The following OCA2 variants were observed in gnomAD, a reference collection of about 807,000 sequenced individuals.
OCA2 encodes the protein P protein.
OCA2 carries 77 observed loss-of-function variants against 100.2 expected under a neutral mutation model. The observed-to-expected ratio is 0.77, with a 90% CI of 0.64 to 0.93. The LOEUF (loss-of-function observed/expected upper bound fraction) is 0.93, where lower values mean the gene tolerates loss of function less well. OCA2 is among the 40% of genes least tolerant of loss of function. The pLI is 0.00. For synonymous variants in OCA2, 432 were observed against 439.2 expected (o/e 0.98, Z 0.21); for missense variants, 1,062 against 1,089.1 (o/e 0.98, Z 0.35).
chr15:27,975,258 C>T (rs1173058404), intron 14 of OCA2, among the ~76,000 whole-genome samples: 2 of 151,956 alleles, frequency 1.3e-5, no homozygotes, highest in Non-Finnish European at 2.9e-5. Context: ...TAAACTGTTG[C>T]AGCATTCATT....
chr15:28,074,677 A>C (rs1167646967), intron 2 of OCA2, among the ~76,000 whole-genome samples: 31 of 113,196 alleles, frequency 2.7e-4, no homozygotes, highest in African/African-American at 1.3e-3. Context: ...CCGTCTCAAA[A>C]AAAAAAAAAA....
At chr15:27,783,184 G>C (rs1283951078) in intron 23 of OCA2, among the ~76,000 whole-genome samples, 1 of 152,146 alleles carries the variant, frequency 6.6e-6, no homozygotes, top group Non-Finnish European at 1.5e-5. Context: ...GGCCCTGGGT[G>C]GGGGGATTCT....
At chr15:27,734,034 A>C in the OCA2 span, among the ~76,000 whole-genome samples, 77,319 of 150,554 alleles carry the variant, frequency 0.51, 20,652 homozygotes, top group Non-Finnish European at 0.55. Context: ...GTGGTGCACG[A>C]CTGTAATCCC....
chr15:28,016,012 G>T, intron 8 of OCA2, 92 bp downstream of exon 8: 1 of 953,302 alleles, frequency 1.0e-6, no homozygotes. Context: ...CTGGTGCTGT[G>T]TGGGCCGAAA....
At chr15:27,739,814 A>G in the OCA2 span, among the ~76,000 whole-genome samples, 82 of 152,222 alleles carry the variant, frequency 5.4e-4, no homozygotes, top group African/African-American at 1.7e-3. Flanking sequence ...CATAAATCCC[A>G]TATCTTCCTC....
intron 19 of OCA2, among the ~76,000 whole-genome samples, chr15:27,910,185 GA>G (rs1224891059): frequency 6.6e-6 from 1 of 152,160 alleles, no homozygotes; most frequent in East Asian, 1.9e-4. Flanking sequence ...CTGACAAAAT[GA>G]AAAATTATGA....
intron 19 of OCA2, among the ~76,000 whole-genome samples, chr15:27,899,103 C>T (rs140190758): frequency 1.3e-5 from 2 of 152,110 alleles, no homozygotes; most frequent in Admixed American, 1.3e-4. Context: ...GGATTTATTT[C>T]AGGTATGCAT....
chr15:28,084,916 G>A (rs1263540664), intron 1 of OCA2, among the ~76,000 whole-genome samples: 1 of 152,196 alleles, frequency 6.6e-6, no homozygotes, highest in African/African-American at 2.4e-5. Context: ...AGTTTTATAG[G>A]CTATTACGTG....
intron 19 of OCA2, among the ~76,000 whole-genome samples, chr15:27,872,712 CAG>C (rs1437054395): frequency 6.7e-6 from 1 of 148,298 alleles, no homozygotes; most frequent in Non-Finnish European, 1.5e-5. Flanking sequence ...TTTTTTGAGA[CAG>C]AGTCTTGCTC....
chr15:28,002,598 G>A (rs1374170337), intron 9 of OCA2, among the ~76,000 whole-genome samples: 1 of 152,142 alleles, frequency 6.6e-6, no homozygotes, highest in Non-Finnish European at 1.5e-5. Context: ...TGTGGCTGCC[G>A]ATCGGTCCAG....
intron 2 of OCA2, among the ~76,000 whole-genome samples, chr15:28,078,489 G>T (rs2044507133): frequency 6.6e-6 from 1 of 152,198 alleles, no homozygotes; most frequent in Admixed American, 6.5e-5. Flanking sequence ...CCTTGTGCCT[G>T]CCCAGATGGA....
chr15:28,057,855 G>A (rs534550494), intron 2 of OCA2, among the ~76,000 whole-genome samples: 3 of 152,266 alleles, frequency 2.0e-5, no homozygotes, highest in East Asian at 1.9e-4. Context: ...AAGCAGGAGG[G>A]GAAAGTAAAC....
At chr15:27,933,332 AACAG>A (rs1403983293) in intron 18 of OCA2, among the ~76,000 whole-genome samples, 1 of 151,830 alleles carries the variant, frequency 6.6e-6, no homozygotes, top group Non-Finnish European at 1.5e-5. Context: ...GATTACATTA[AACAG>A]ACAGAAGGTA....
chr15:27,989,965 C>G (rs1175738587), intron 10 of OCA2, among the ~76,000 whole-genome samples: 3 of 152,194 alleles, frequency 2.0e-5, no homozygotes, highest in Non-Finnish European at 4.4e-5. Flanking sequence ...TCTGTATGTG[C>G]TCTCTGCAGT....
At chr15:27,755,895 C>T (rs2030320019) in intron 23 of OCA2, among the ~76,000 whole-genome samples, 1 of 152,186 alleles carries the variant, frequency 6.6e-6, no homozygotes, top group African/African-American at 2.4e-5. Flanking sequence ...GTCCCTCACA[C>T]TTAAGGCCAA....
intron 9 of OCA2, among the ~76,000 whole-genome samples, chr15:28,010,387 A>T (rs1171311862): frequency 1.3e-5 from 2 of 152,240 alleles, no homozygotes. Flanking sequence ...AGGAAATTAA[A>T]GACATACAGA....
At chr15:28,069,632 A>C (rs2044159260) in intron 2 of OCA2, among the ~76,000 whole-genome samples, 1 of 144,628 alleles carries the variant, frequency 6.9e-6, no homozygotes, top group South Asian at 2.3e-4. Context: ...TCCAGCCCCT[A>C]ACCGCGAGTG....
Position 27,831,303 on chromosome 15 carries a change from A to AAAAAAAAAAAAAAAAC in OCA2, c.2432+13655_2432+13656insGTTTTTTTTTTTTTTT, listed in dbSNP as rs1337827985. On this transcript the variant is annotated intron_variant, in intron 23 of 23. Transcript: ENST00000354638. ...CCGTCTCAAAAAAAAAAAAAAAAAA[A>AAAAAAAAAAAAAAAAC]AAATCGGTCTGAGTCCAGTGAGTCC... Among the ~76,000 whole-genome samples, 23 of 151,072 alleles carry AAAAAAAAAAAAAAAAC rather than the reference A, an allele frequency of 1.5e-4. 1 individual carries two copies. The highest frequency in any genetic ancestry group is 2.4e-4 in the Non-Finnish European group (16 of 67,596).
chr15:27,929,176 C>A (rs2039154562), intron 18 of OCA2, among the ~76,000 whole-genome samples: 1 of 151,980 alleles, frequency 6.6e-6, no homozygotes, highest in African/African-American at 2.4e-5. Flanking sequence ...ATGCAAAGGA[C>A]TAGAATAACC....
Sources: gnomAD v4.1 joint callset for allele counts (sites outside exome capture counted in the v4.1 genomes callset) on GRCh38, gnomAD v4.1.1 for gene constraint, MANE v1.5 for transcripts, NCBI Gene and HGNC (gene_info 2026-07-23, HGNC 2026-07-21) for gene names.